Variants in EGF observed in about 807,000 individuals in gnomAD.
EGF encodes the protein pro-epidermal growth factor.
A neutral mutation model predicts 143.8 loss-of-function variants in EGF; 95 were observed. The ratio of observed to expected loss-of-function variants is 0.66; its 90% CI spans 0.56 to 0.78. EGF has a LOEUF of 0.78. EGF is among the 30% of genes least tolerant of loss of function. The probability of loss-of-function intolerance (pLI) is 0.00; values close to 1 mark genes in which losing one functional copy is unlikely to be tolerated. For synonymous variants in EGF, 510 were observed against 510.5 expected, an observed-to-expected ratio of 1.00 and a Z score of 0.01; for missense variants, 1,320 against 1,470.9, an observed-to-expected ratio of 0.90 and a Z score of 1.68.
chr4:109,927,006 A>C (rs1300586043), intron 1 of EGF, among the ~76,000 whole-genome samples: 1 of 152,246 alleles, frequency 6.6e-6, no homozygotes, highest in African/African-American at 2.4e-5. Context: ...TTTTAAAAAA[A>C]TCTTCCAAAT....
chr4:109,999,833 GC>G lies in EGF; in HGVS notation c.3163del (p.His1055ThrfsTer24). 3.7e-6 allele frequency: 6 copies of G among 1,613,434 alleles called. No individual in the cohort carries two copies. The highest frequency in any genetic ancestry group is 5.1e-6 in the Non-Finnish European group (6 of 1,180,026). ...GCTGCTCCTCCTGAGCCTGTGGGGG[GC>G]CCACTACTACAGGTGACCCTGTCTT... ...VMLLLLSLWGAHYYRTQKLLS... is the reference protein window; with the variant it reads ...VMLLLLSLWGXHYYRTQKLLS... On this transcript the variant is annotated frameshift_variant, in exon 21 of 24. Transcript: ENST00000265171. LOFTEE classifies it high-confidence loss of function.
intron 1 of EGF, among the ~76,000 whole-genome samples, chr4:109,932,360 C>CATATATATATATATATATATATATTTAT (rs57424246): frequency 1.1e-5 from 1 of 87,052 alleles, no homozygotes; most frequent in African/African-American, 4.4e-5. Flanking sequence ...CCCATTTAGT[C>CATATATATATATATATATATATATTTAT]ATATATATAT....
intron 14 of EGF, among the ~76,000 whole-genome samples, chr4:109,980,440 A>G (rs1749172886): frequency 6.6e-6 from 1 of 152,220 alleles, no homozygotes; most frequent in African/African-American, 2.4e-5. Flanking sequence ...TTCTGTCGAC[A>G]CTTGGACCTT....
In EGF at chr4:109,980,175, C is replaced by T. The variant is rs748440972; in HGVS notation, c.2221+36C>T. ...GAGATGTTACACAGTCTTTCCTTGG[C>T]TGGAATCTGCAACTGTTTTAATTGT... is the stretch of plus-strand genomic sequence containing the variant. On this transcript the variant is annotated intron_variant, in intron 14 of 23. Coordinates refer to ENST00000265171, the MANE Select transcript of EGF (RefSeq NM_001963.6). 10 of 1,544,812 alleles carry T rather than the reference C, an allele frequency of 6.5e-6. No individual in the cohort carries two copies. The Admixed American group carries it at 1.8e-4, about 28-fold the overall frequency.
At chr4:109,985,880 A>G (rs1256803780) in intron 16 of EGF, among the ~76,000 whole-genome samples, 1 of 152,222 alleles carries the variant, frequency 6.6e-6, no homozygotes, top group East Asian at 1.9e-4. Flanking sequence ...GGTCTCTTCT[A>G]GTGTGATAAG....
intron 1 of EGF, among the ~76,000 whole-genome samples, chr4:109,933,945 G>T (rs1423631253): frequency 6.6e-6 from 1 of 152,094 alleles, no homozygotes; most frequent in East Asian, 1.9e-4. Context: ...TCCAGTAATG[G>T]GATTGCTGGG....
At chr4:109,984,720 T>A (rs1447067684) in intron 16 of EGF, among the ~76,000 whole-genome samples, 3 of 152,212 alleles carry the variant, frequency 2.0e-5, no homozygotes, top group African/African-American at 7.2e-5. Context: ...TTGATCCTCA[T>A]TACAAATCAG....
intron 5 of EGF, chr4:109,959,043 A>G: frequency 2.2e-6 from 1 of 457,170 alleles, no homozygotes; most frequent in Non-Finnish European, 4.0e-6. Context: ...AAAGCTAATA[A>G]GTAGTGTTTA....
intron 20 of EGF, among the ~76,000 whole-genome samples, chr4:109,995,606 C>G (rs1268189596): frequency 2.0e-5 from 3 of 152,150 alleles, no homozygotes; most frequent in African/African-American, 7.2e-5. Context: ...AGTTCTGCCT[C>G]AAATTTTACT....
intron 10 of EGF, among the ~76,000 whole-genome samples, chr4:109,965,297 T>C (rs1443496558): frequency 1.3e-5 from 2 of 152,294 alleles, no homozygotes; most frequent in South Asian, 2.1e-4. Flanking sequence ...TTTCAAACTT[T>C]GGGCTTTTGT....
rs140040896 is a variant in EGF at position 109,914,556 on chromosome 4, A to G, written c.127+1094A>G. Among the ~76,000 whole-genome samples, 550 of 152,196 alleles carry G rather than the reference A, an allele frequency of 3.6e-3. 1 individual carries two copies. The highest frequency in any genetic ancestry group is 5.9e-3 in the Non-Finnish European group (402 of 68,002). On this transcript the variant is annotated intron_variant, in intron 1 of 23. Coordinates refer to ENST00000265171, the MANE Select transcript of EGF (RefSeq NM_001963.6). ...TCTCTGGACTCTGTTCTCAGGTAGCACTCCTTGTAACAGGTGAGCAGAACT... is the reference window on the plus strand; with the variant it reads ...TCTCTGGACTCTGTTCTCAGGTAGCGCTCCTTGTAACAGGTGAGCAGAACT...
intron 18 of EGF, among the ~76,000 whole-genome samples, chr4:109,990,386 G>C (rs903355884): frequency 2.6e-5 from 4 of 152,162 alleles, no homozygotes; most frequent in Non-Finnish European, 1.5e-5. Flanking sequence ...TGAGGTATTG[G>C]GAAAGATTTC....
chr4:109,924,321 A>C (rs1738278410), intron 1 of EGF, among the ~76,000 whole-genome samples: 1 of 147,782 alleles, frequency 6.8e-6, no homozygotes, highest in South Asian at 2.1e-4. Flanking sequence ...TGATTTTATT[A>C]GTTCTTTCTA....
intron 15 of EGF, among the ~76,000 whole-genome samples, chr4:109,982,781 G>A (rs895837737): frequency 7.2e-5 from 11 of 152,074 alleles, no homozygotes; most frequent in Non-Finnish European, 1.5e-4. Context: ...TGTGAACATG[G>A]TGGAAAAAGG....
At chr4:109,918,848 T>C (rs546793294) in intron 1 of EGF, among the ~76,000 whole-genome samples, 4 of 152,310 alleles carry the variant, frequency 2.6e-5, no homozygotes, top group African/African-American at 9.6e-5. Context: ...TTCCTAAAAG[T>C]GACACAAGGT....
At chr4:109,970,634 G>C (rs1024501137) in intron 11 of EGF, among the ~76,000 whole-genome samples, 3 of 152,004 alleles carry the variant, frequency 2.0e-5, no homozygotes, top group Middle Eastern at 3.2e-3. Flanking sequence ...AGACCATCCT[G>C]GCTAACATGG....
chr4:109,928,749 A>G (rs1178369235), intron 1 of EGF, among the ~76,000 whole-genome samples: 1 of 152,102 alleles, frequency 6.6e-6, no homozygotes, highest in African/African-American at 2.4e-5. Context: ...TGGTTGTCCT[A>G]TTGCTACAAA....
chr4:109,998,716 C>T (rs1194284599), intron 20 of EGF, among the ~76,000 whole-genome samples: 6 of 152,164 alleles, frequency 3.9e-5, no homozygotes, highest in Non-Finnish European at 7.3e-5. Flanking sequence ...TTCCATGCTG[C>T]CTCTTCTCAC....
chr4:109,974,419 A>T (rs149042875), intron 11 of EGF, among the ~76,000 whole-genome samples: 1 of 152,342 alleles, frequency 6.6e-6, no homozygotes, highest in East Asian at 1.9e-4. Flanking sequence ...CCAGCCACTG[A>T]CACGATCCTT....
Sources: allele counts gnomAD v4.1 joint callset (sites outside exome capture counted in the v4.1 genomes callset), GRCh38; gene constraint gnomAD v4.1.1; transcripts MANE v1.5; gene names NCBI Gene and HGNC (gene_info 2026-07-23, HGNC 2026-07-21).